PCDHGA6: variants seen among roughly 807,000 people sequenced by gnomAD.
The protein encoded by PCDHGA6 is protocadherin gamma subfamily A, 6, also known as protocadherin gamma-A6.
In PCDHGA6, 41 loss-of-function variants were observed where a neutral mutation model predicts 60.6. The ratio of observed to expected loss-of-function variants is 0.68; its 90% CI spans 0.53 to 0.88. The LOEUF is 0.88. Ranked by LOEUF, PCDHGA6 falls within the 40% of genes least tolerant of loss-of-function variation. The pLI, the probability that PCDHGA6 is intolerant of heterozygous loss-of-function variation, is 0.00. For missense variants in PCDHGA6, 1,312 were observed against 1,203.0 expected (o/e 1.09, Z -1.34); for synonymous variants, 594 against 524.4 (o/e 1.13, Z -1.81).
intron 1 of PCDHGA6, chr5:141,382,984 G>A: frequency 6.2e-7 from 1 of 1,613,132 alleles, no homozygotes; most frequent in Non-Finnish European, 8.5e-7. Context: ...AGCCTGGGCA[G>A]GACGTATTCT....
At position 141,485,562 on chromosome 5, in the gene PCDHGA6, C is replaced by T. The variant is rs779890454; in HGVS notation, c.2425-9245C>T. 2.5e-6 allele frequency: 4 copies of T among 1,612,910 alleles called. No homozygotes were observed. Among genetic ancestry groups the T allele is most frequent in the Admixed American group, 1.7e-5 (1 of 59,996 alleles). On this transcript the variant is annotated intron_variant, in intron 1 of 3. Transcript: ENST00000517434. The surrounding 1 kb of genome is among the most constrained non-coding windows in gnomAD (Gnocchi z 5.7). ...GAGATCGTAGATGTGAATGATCACG[C>T]CCCCCGTTTTCCGCGGCAGCAGCTG... is the stretch of plus-strand genomic sequence containing the variant.
Position 141,486,674 on chromosome 5 carries a change from G to A in PCDHGA6, c.2425-8133G>A. On this transcript the variant is annotated intron_variant, in intron 1 of 3. Transcript: ENST00000517434. This position sits in a 1 kb window ranked among gnomAD's most constrained non-coding sequence, Gnocchi z 5.0. ...CTCACTCCTGGAGCCCAGGAATCGA[G>A]ATGTATCAGCTTCCTCTTTCATCTC... The A allele has an allele frequency of 1.9e-6, 3 of 1,614,080 alleles. No individual in the cohort carries two copies. Among genetic ancestry groups the A allele is most frequent in the Non-Finnish European group, 2.5e-6 (3 of 1,180,036 alleles).
Position 141,374,947 on chromosome 5 carries a change from C to G in PCDHGA6, c.864C>G (p.Ile288Met), listed in dbSNP as rs768274787. ...CCTTTGTGAAGATTACAGAAAAGAT[C>G]TCACAAATTTTCTGTTTGAATGTTT... Reference protein sequence around the residue: ...TYSFVKITEKISQIFCLNVLT... With the variant: ...TYSFVKITEKMSQIFCLNVLT... Residue 288 changes from isoleucine (I) to methionine (M), a missense_variant, in exon 1 of 4, where the codon ATC becomes ATG. Ile to Met is a conservative substitution (Grantham distance 10, BLOSUM62 1). Transcript: ENST00000517434. The G allele has an allele frequency of 6.2e-7, 1 of 1,613,900 alleles. No homozygotes were observed. Among genetic ancestry groups the G allele is most frequent in the African/African-American group, 1.3e-5 (1 of 74,942 alleles).
At chr5:141,381,441 G>A (rs1777194515) in intron 1 of PCDHGA6, among the ~76,000 whole-genome samples, 1 of 152,202 alleles carries the variant, frequency 6.6e-6, no homozygotes, top group Admixed American at 6.5e-5. Flanking sequence ...ATCCTGTCAG[G>A]ACAGTCCTGC....
chr5:141,393,108 A>G (rs1318511234), intron 1 of PCDHGA6: 6 of 1,613,438 alleles, frequency 3.7e-6, no homozygotes, highest in Non-Finnish European at 5.1e-6. Context: ...CTGCGCTCAG[A>G]GCCCGCGGTG....
chr5:141,422,719 CA>C (rs2096667277), intron 1 of PCDHGA6: 1 of 1,604,786 alleles, frequency 6.2e-7, no homozygotes, highest in Admixed American at 1.7e-5. Flanking sequence ...TGACACTGTC[CA>C]GGGGGTGCCT....
At chr5:141,394,910 C>T in intron 1 of PCDHGA6, 1 of 1,613,766 alleles carries the variant, frequency 6.2e-7, no homozygotes. Context: ...CAGTGGCTGC[C>T]ATCTCCTGTG....
At chr5:141,418,603 G>A (rs769167342) in intron 1 of PCDHGA6, 7 of 1,613,902 alleles carry the variant, frequency 4.3e-6, no homozygotes, top group East Asian at 4.5e-5. Context: ...ACGTGTACAG[G>A]GTTAGCCTTC....
At chr5:141,505,323 G>C in intron 2 of PCDHGA6, 70 bp from the exon 3 acceptor site, 1 of 1,606,758 alleles carries the variant, frequency 6.2e-7, no homozygotes, top group South Asian at 1.1e-5. Flanking sequence ...GGGAGCCCTG[G>C]GAGAGGACAG....
intron 1 of PCDHGA6, chr5:141,408,246 A>C: frequency 6.3e-7 from 1 of 1,590,754 alleles, no homozygotes; most frequent in Non-Finnish European, 8.6e-7. Flanking sequence ...GGCCCGCGGC[A>C]GGTGCTATTT....
At chr5:141,417,673 C>G in intron 1 of PCDHGA6, 3 of 970,368 alleles carry the variant, frequency 3.1e-6, no homozygotes, top group Non-Finnish European at 2.9e-6. Context: ...CCTGCGCAGC[C>G]AACAACAGAA....
intron 1 of PCDHGA6, chr5:141,391,723 C>CT (rs1366104842): frequency 6.6e-6 from 1 of 152,126 alleles, no homozygotes; most frequent in African/African-American, 2.4e-5. Flanking sequence ...GGGAAACAGA[C>CT]TTTTTTGTAG....
chr5:141,385,284 A>C (rs1419920858), intron 1 of PCDHGA6: 5 of 1,613,356 alleles, frequency 3.1e-6, no homozygotes, highest in Non-Finnish European at 3.4e-6. Flanking sequence ...TAACATCCGT[A>C]GATTTTCAGG....
In PCDHGA6 at chr5:141,450,548, G is replaced by A. The variant is rs186010209; in HGVS notation, c.2425-44259G>A. 3.3e-4 allele frequency among the ~76,000 whole-genome samples: 50 copies of A among 151,716 alleles called. 1 individual carries two copies. Among genetic ancestry groups the A allele is most frequent in the African/African-American group, 9.9e-4 (41 of 41,366 alleles). On this transcript the variant is annotated intron_variant, in intron 1 of 3. Transcript: ENST00000517434. ...GTCACCCAGGCTGGAATGCAGTGGC[G>A]CAGTCTCGGCTCACTGCAACTTCTG... is the stretch of plus-strand genomic sequence containing the variant.
At chr5:141,454,181 G>A (rs1290295830) in intron 1 of PCDHGA6, among the ~76,000 whole-genome samples, 1 of 152,200 alleles carries the variant, frequency 6.6e-6, no homozygotes, top group Non-Finnish European at 1.5e-5. Context: ...GCAGCTAAAG[G>A]AGCTTAGTGA....
chr5:141,449,484 A>G (rs1003440539), intron 1 of PCDHGA6, among the ~76,000 whole-genome samples: 2 of 150,848 alleles, frequency 1.3e-5, no homozygotes, highest in Non-Finnish European at 3.0e-5. Context: ...CCCCATGCCT[A>G]AGGGTGAGGC....
intron 2 of PCDHGA6, among the ~76,000 whole-genome samples, chr5:141,500,501 G>A (rs571735791): frequency 1.3e-5 from 2 of 152,058 alleles, no homozygotes; most frequent in Non-Finnish European, 2.9e-5. Context: ...GAGCCACCGC[G>A]CCTGGCCGAG....
chr5:141,497,374 T>C (rs2099776044), intron 2 of PCDHGA6, among the ~76,000 whole-genome samples: 1 of 152,112 alleles, frequency 6.6e-6, no homozygotes, highest in Non-Finnish European at 1.5e-5. Flanking sequence ...ATGTGTCCTC[T>C]GGGGTGAGCA....
intron 1 of PCDHGA6, among the ~76,000 whole-genome samples, chr5:141,466,724 A>G (rs2099128017): frequency 6.6e-6 from 1 of 152,148 alleles, no homozygotes. Flanking sequence ...TTTCCATTTT[A>G]GCAGAATTCA....
Sources: allele counts gnomAD v4.1 joint callset (sites outside exome capture counted in the v4.1 genomes callset), GRCh38; gene constraint gnomAD v4.1.1; non-coding constraint Gnocchi (gnomAD v3.1); transcripts MANE v1.5; gene names NCBI Gene and HGNC (gene_info 2026-07-23, HGNC 2026-07-21).